The following UMODL1 variants were observed in gnomAD, a reference collection of about 807,000 sequenced individuals.
The protein encoded by UMODL1 is uromodulin-like 1.
UMODL1 carries 128 observed loss-of-function variants against 136.3 expected under a neutral mutation model. The ratio of observed to expected loss-of-function variants is 0.94; its 90% CI spans 0.81 to 1.09. UMODL1 has a LOEUF of 1.09. Among genes scored for constraint, UMODL1 ranks in the 50% least tolerant of loss-of-function variants. The pLI is 0.00. For missense variants in UMODL1, 1,766 were observed against 1,725.6 expected (o/e 1.02, Z -0.41); for synonymous variants, 721 against 720.0 (o/e 1.00, Z -0.02).
chr21:42,140,160 G>T (rs368958600), intron 22 of UMODL1, among the ~76,000 whole-genome samples: 3 of 152,282 alleles, frequency 2.0e-5, no homozygotes, highest in East Asian at 3.9e-4. Context: ...AAGATGGGCT[G>T]GGCTGGAGAA....
At chr21:42,094,229 G>A (rs946035605) in intron 6 of UMODL1, among the ~76,000 whole-genome samples, 1 of 152,126 alleles carries the variant, frequency 6.6e-6, no homozygotes, top group Non-Finnish European at 1.5e-5. Flanking sequence ...CTTCTAATAG[G>A]GCAGGACACA....
At position 42,123,042 on chromosome 21, in the gene UMODL1, C is replaced by T. The variant is rs760800247; in HGVS notation, c.3039C>T (p.Pro1013=). 1.4e-5 allele frequency: 22 copies of T among 1,614,016 alleles called. No individual in the cohort carries two copies. The highest frequency in any genetic ancestry group is 9.3e-5 in the African/African-American group (7 of 74,922). Residue 1013 remains proline (P), a synonymous_variant, in exon 17 of 23, where the codon CCC becomes CCT. Coordinates refer to ENST00000408910, the MANE Select transcript of UMODL1 (RefSeq NM_001004416.3). The surrounding 1 kb of genome is among the most constrained non-coding windows in gnomAD (Gnocchi z 4.4). ...GCTTCCTGCAGCAGGAATCCATCCC[C>T]GAGTCCTCGTTGTACCTCAGCCACC... The part of the protein sequence containing the change: ...QKRFLQQESI[P]ESSLYLSHPS...
chr21:42,082,156 T>G (rs1326895692), intron 2 of UMODL1, among the ~76,000 whole-genome samples: 1 of 152,158 alleles, frequency 6.6e-6, no homozygotes, highest in Non-Finnish European at 1.5e-5. Flanking sequence ...GCTCTCTGCA[T>G]ATTCCGTGAC....
chr21:42,101,890 C>T (rs546168090), intron 7 of UMODL1: 1 of 394,874 alleles, frequency 2.5e-6, no homozygotes, highest in East Asian at 6.1e-5. Context: ...GGAAAGGACC[C>T]TCCATGCTCT....
chr21:42,069,367 T>A (rs2066210145), upstream of UMODL1, among the ~76,000 whole-genome samples: 1 of 152,086 alleles, frequency 6.6e-6, no homozygotes, highest in Non-Finnish European at 1.5e-5. Context: ...TTTTCTTTAA[T>A]CATTTTAATA....
chr21:42,120,359 T>C (rs1196153641), intron 15 of UMODL1, among the ~76,000 whole-genome samples: 1 of 152,258 alleles, frequency 6.6e-6, no homozygotes, highest in Non-Finnish European at 1.5e-5. Flanking sequence ...AGGAATTTGA[T>C]CTGTTTGGAC....
In UMODL1 at chr21:42,132,437, C is replaced by T. The variant is rs115736435; in HGVS notation, c.3775+2640C>T. Among the ~76,000 whole-genome samples the T allele has an allele frequency of 7.2e-3, 1,090 of 152,122 alleles. 9 individuals are homozygous for T. Among genetic ancestry groups the T allele is most frequent in the African/African-American group, 0.025 (1,034 of 41,472 alleles). ...ATACATTCATCTGTCATCCATCCAT[C>T]CATTCAACTATCATCCATCTATCCA... is the stretch of plus-strand genomic sequence containing the variant. On this transcript the variant is annotated intron_variant, in intron 21 of 22. Transcript: ENST00000408910.
chr21:42,102,150 T>A lies in UMODL1; in HGVS notation c.1187-16T>A, dbSNP rs1338878893. 1 of 1,592,338 alleles carries A rather than the reference T, an allele frequency of 6.3e-7. No individual in the cohort carries two copies. The highest frequency in any genetic ancestry group is 1.3e-5 in the African/African-American group (1 of 74,496). ...ACTTTTGACCACAGGCTAATTTGTT[T>A]CACTGTCTGTCTCAGATGCCCAGGT... On this transcript the variant is annotated splice_polypyrimidine_tract_variant and intron_variant, in intron 7 of 22. Transcript: ENST00000408910.
chr21:42,135,681 G>T (rs1450272320), intron 21 of UMODL1, among the ~76,000 whole-genome samples: 1 of 152,242 alleles, frequency 6.6e-6, no homozygotes, highest in Non-Finnish European at 1.5e-5. Flanking sequence ...AGTTGTCTGG[G>T]GAAGTGGCCG....
In UMODL1 at chr21:42,085,395, C is replaced by A. The variant is rs570051505; in HGVS notation, c.586C>A (p.Arg196Ser). Residue 196 changes from arginine (R) to serine (S), a missense_variant, in exon 4 of 23, where the codon CGC (arginine) becomes AGC (serine). Arg to Ser is a moderately radical substitution (Grantham distance 110, BLOSUM62 -1). Coordinates refer to ENST00000408910, the MANE Select transcript of UMODL1 (RefSeq NM_001004416.3). The surrounding 1 kb of genome is among the most constrained non-coding windows in gnomAD (Gnocchi z 4.5). ...QVDPRLLNHM[R>S]LLHSLVTSAL... Reference sequence around the variant, plus strand: ...GGACCCCAGGCTCCTGAACCACATGCGCCTTCTGCATTCCTTGGTAGGTGA... The same window carrying A: ...GGACCCCAGGCTCCTGAACCACATGAGCCTTCTGCATTCCTTGGTAGGTGA... 6.2e-7 allele frequency: 1 copy of A among 1,613,950 alleles called. No individual in the cohort carries two copies. Among genetic ancestry groups the A allele is most frequent in the South Asian group, 1.1e-5 (1 of 91,074 alleles).
intron 14 of UMODL1, among the ~76,000 whole-genome samples, chr21:42,116,643 T>C (rs1169029375): frequency 1.3e-5 from 2 of 151,666 alleles, no homozygotes; most frequent in Non-Finnish European, 2.9e-5. Context: ...CTGTAAAAAA[T>C]GAGATTTATT....
At chr21:42,136,552 C>T (rs189399055) in intron 21 of UMODL1, among the ~76,000 whole-genome samples, 88 of 152,282 alleles carry the variant, frequency 5.8e-4, no homozygotes, top group Admixed American at 2.2e-3. Flanking sequence ...ACTCCTTTCA[C>T]GGTTGGGTCA....
In UMODL1 at chr21:42,111,135, C is replaced by T; in HGVS notation, c.1899+14C>T. Reference sequence around the variant, plus strand: ...GTGGAGCAGGAGGTGCCCAGCACTGCCCCGGGTCTGGGGATGGACCAGGGG... The same window carrying T: ...GTGGAGCAGGAGGTGCCCAGCACTGTCCCGGGTCTGGGGATGGACCAGGGG... On this transcript the variant is annotated intron_variant, in intron 11 of 22. Coordinates refer to ENST00000408910, the MANE Select transcript of UMODL1 (RefSeq NM_001004416.3). 6.2e-6 allele frequency: 10 copies of T among 1,600,700 alleles called. No homozygotes were observed. The highest frequency in any genetic ancestry group is 6.8e-6 in the Non-Finnish European group (8 of 1,174,152).
At chr21:42,098,893 C>A in intron 6 of UMODL1, 33 bp from the exon 7 acceptor site, 1 of 1,610,082 alleles carries the variant, frequency 6.2e-7, no homozygotes, top group South Asian at 1.1e-5. Context: ...CTCACTGACC[C>A]TTTGCTCATC....
intron 2 of UMODL1, among the ~76,000 whole-genome samples, chr21:42,076,571 G>A (rs2066294022): frequency 1.3e-5 from 2 of 152,140 alleles, no homozygotes; most frequent in Non-Finnish European, 1.5e-5. Flanking sequence ...AAATGCAGAT[G>A]CCTGGGTCTC....
intron 6 of UMODL1, among the ~76,000 whole-genome samples, chr21:42,091,583 G>A (rs1385626942): frequency 2.0e-5 from 3 of 152,240 alleles, no homozygotes; most frequent in Non-Finnish European, 4.4e-5. Context: ...CAACATTTTA[G>A]AGATAGAACC....
chr21:42,130,260 G>C (rs2067117402), intron 21 of UMODL1, among the ~76,000 whole-genome samples: 1 of 151,578 alleles, frequency 6.6e-6, no homozygotes, highest in African/African-American at 2.4e-5. Context: ...GCACACGAAT[G>C]TGCATGCACA....
chr21:42,141,875 G>A (rs995969485), intron 22 of UMODL1, among the ~76,000 whole-genome samples: 3 of 152,142 alleles, frequency 2.0e-5, no homozygotes, highest in African/African-American at 4.8e-5. Context: ...CAGGAGCATC[G>A]CTCACCTGAG....
chr21:42,067,817 C>A (rs2146405967), upstream of UMODL1, among the ~76,000 whole-genome samples: 1 of 152,362 alleles, frequency 6.6e-6, no homozygotes, highest in Middle Eastern at 3.4e-3. Context: ...CAACCCCAGG[C>A]CGCACCCTCG....
Sources: allele counts gnomAD v4.1 joint callset (sites outside exome capture counted in the v4.1 genomes callset), GRCh38; gene constraint gnomAD v4.1.1; non-coding constraint Gnocchi (gnomAD v3.1); transcripts MANE v1.5; gene names NCBI Gene and HGNC (gene_info 2026-07-23, HGNC 2026-07-21).